Variants in SVIL observed in about 807,000 individuals in gnomAD.
SVIL encodes the protein archvillin.
Under a neutral mutation model 240.4 loss-of-function variants are expected in SVIL, and 101 were observed. That is an observed-to-expected ratio of 0.42 (90% CI 0.36 to 0.50). The LOEUF (loss-of-function observed/expected upper bound fraction) is 0.50, where lower values mean the gene tolerates loss of function less well. Ranked by LOEUF, SVIL falls within the 20% of genes least tolerant of loss-of-function variation. The pLI, the probability that SVIL is intolerant of heterozygous loss-of-function variation, is 0.01. For synonymous variants in SVIL, 999 were observed against 1,100.0 expected (o/e 0.91, Z 1.82); for missense variants, 2,512 against 2,818.7 (o/e 0.89, Z 2.46).
chr10:29,578,884 T>C (rs185754009), intron 1 of SVIL, among the ~76,000 whole-genome samples: 55 of 152,342 alleles, frequency 3.6e-4, no homozygotes, highest in African/African-American at 1.3e-3. Context: ...GTATTACTTC[T>C]CTTTCCTCAG....
At chr10:29,470,183 G>T in intron 32 of SVIL, 93 bp downstream of exon 32, 1 of 1,427,458 alleles carries the variant, frequency 7.0e-7, no homozygotes, top group Non-Finnish European at 9.8e-7. Context: ...TCAGCACCCT[G>T]GGATCTGCTG....
chr10:29,500,497 C>G (rs1948794901), intron 17 of SVIL, among the ~76,000 whole-genome samples: 1 of 152,250 alleles, frequency 6.6e-6, no homozygotes, highest in East Asian at 1.9e-4. Context: ...TGGGTTTGCC[C>G]TCTCACTTTC....
chr10:29,528,961 A>G (rs1265051290), intron 12 of SVIL, among the ~76,000 whole-genome samples: 1 of 152,006 alleles, frequency 6.6e-6, no homozygotes, highest in African/African-American at 2.4e-5. Context: ...GGATCACCTG[A>G]GGTCAGGAGT....
At chr10:29,691,361 A>G (rs891289054) in intron 1 of SVIL, among the ~76,000 whole-genome samples, 3 of 151,782 alleles carry the variant, frequency 2.0e-5, no homozygotes, top group East Asian at 1.9e-4. Flanking sequence ...ACAGGCGCCC[A>G]CCACCACGCC....
chr10:29,461,409 A>G (rs1399649797), intron 36 of SVIL, among the ~76,000 whole-genome samples: 1 of 152,172 alleles, frequency 6.6e-6, no homozygotes, highest in African/African-American at 2.4e-5. Context: ...GGTTAGGGTG[A>G]GCAGTGATGT....
chr10:29,508,061 A>G lies in SVIL; in HGVS notation c.3516+4674T>C, dbSNP rs1949510017. On this transcript the variant is annotated intron_variant, in intron 17 of 37. Transcript: ENST00000355867. ...GCAGTAATTAAATGAGTTAATTTATAGAAGATTGTCAGTTACAGAGAGAGG... is the reference window on the plus strand; with the variant it reads ...GCAGTAATTAAATGAGTTAATTTATGGAAGATTGTCAGTTACAGAGAGAGG... The G allele has an allele frequency of 2.0e-5, 5 of 256,362 alleles. No individual in the cohort carries two copies. In the South Asian group the frequency reaches 2.2e-4, roughly 12 times the overall value. The allele number at this position is 256,362 out of a possible 1,614,324, so 15.9% of individuals were successfully genotyped here.
chr10:29,531,692 T>C (rs563541170), intron 9 of SVIL, among the ~76,000 whole-genome samples: 1 of 152,362 alleles, frequency 6.6e-6, no homozygotes, highest in South Asian at 2.1e-4. Flanking sequence ...CTGGTGAATA[T>C]GCAATCTGGA....
Position 29,536,073 on chromosome 10 carries a change from T to C in SVIL, c.828-4A>G, listed in dbSNP as rs1951722765. 9.9e-6 allele frequency: 16 copies of C among 1,614,006 alleles called. No individual in the cohort carries two copies. The highest frequency in any genetic ancestry group is 4.0e-5 in the African/African-American group (3 of 74,944). The stretch of plus-strand genomic sequence containing the variant: ...CTCATGTTTGGGTTTCCCTGTACTA[T>C]TGTGTACAAAAAACAAAACCAGATA... On this transcript the variant is annotated splice_region_variant and splice_polypyrimidine_tract_variant and intron_variant, in intron 6 of 37. Coordinates refer to ENST00000355867, the MANE Select transcript of SVIL (RefSeq NM_021738.3).
intron 6 of SVIL, among the ~76,000 whole-genome samples, chr10:29,538,956 G>A (rs1012615664): frequency 6.6e-6 from 1 of 152,164 alleles, no homozygotes; most frequent in Non-Finnish European, 1.5e-5. Context: ...TTGAGGCCAG[G>A]AGTTCGAGCC....
In SVIL at chr10:29,458,299, G is replaced by T; in HGVS notation, c.6593C>A (p.Ala2198Asp). ...ALDMTRDEYN[A>D]LPAWKQVNLK... The stretch of plus-strand genomic sequence containing the variant: ...GTTCACCTGCTTCCAGGCGGGCAGG[G>T]CGTTGTATTCATCCCTCGTCATGTC... Residue 2198 changes from alanine (A) to aspartate (D), a missense_variant, in exon 38 of 38, where the codon GCC becomes GAC. By Grantham distance (126) the Ala-to-Asp change is moderately radical (BLOSUM62 -2). This residue lies in a region of SVIL where 797 missense variants were observed against 925.3 expected (regional missense o/e 0.86). Coordinates refer to ENST00000355867, the MANE Select transcript of SVIL (RefSeq NM_021738.3). 6.2e-7 allele frequency: 1 copy of T among 1,614,246 alleles called. No individual in the cohort carries two copies. The highest frequency in any genetic ancestry group is 2.2e-5 in the East Asian group (1 of 44,880).
At chr10:29,653,234 C>T (rs775615116) in intron 3 of SVIL, among the ~76,000 whole-genome samples, 16 of 152,272 alleles carry the variant, frequency 1.1e-4, no homozygotes, top group African/African-American at 3.6e-4. Context: ...TGGGGGCAAA[C>T]TTCCCCCTTG....
chr10:29,705,370 T>A (rs1265259883), intron 1 of SVIL, among the ~76,000 whole-genome samples: 1 of 152,050 alleles, frequency 6.6e-6, no homozygotes, highest in African/African-American at 2.4e-5. Context: ...AATTGAAGGA[T>A]CTTGAGATGA....
intron 36 of SVIL, among the ~76,000 whole-genome samples, chr10:29,459,999 G>A (rs1227438818): frequency 6.6e-6 from 1 of 152,154 alleles, no homozygotes; most frequent in Non-Finnish European, 1.5e-5. Context: ...GGCTGAGGTG[G>A]TAGGGTCGTT....
intron 16 of SVIL, among the ~76,000 whole-genome samples, chr10:29,515,807 T>G (rs1393377777): frequency 3.3e-5 from 5 of 152,214 alleles, no homozygotes; most frequent in Admixed American, 2.6e-4. Context: ...AGCACCTATG[T>G]CATCGGACGA....
At chr10:29,617,679 T>C (rs997147051) in intron 1 of SVIL, among the ~76,000 whole-genome samples, 1 of 152,202 alleles carries the variant, frequency 6.6e-6, no homozygotes, top group Non-Finnish European at 1.5e-5. Context: ...GGAGATTCAT[T>C]GGAAGCATCC....
intron 2 of SVIL, among the ~76,000 whole-genome samples, chr10:29,673,284 T>C (rs1043364437): frequency 4.0e-4 from 61 of 152,288 alleles, no homozygotes; most frequent in African/African-American, 1.4e-3. Context: ...TTCTAAAAGA[T>C]GCCATGCAAT....
At chr10:29,618,750 C>T (rs1010272585) in intron 1 of SVIL, among the ~76,000 whole-genome samples, 3 of 150,632 alleles carry the variant, frequency 2.0e-5, no homozygotes, top group Admixed American at 6.6e-5. Context: ...GACAAGGTGT[C>T]GCTTTGTCAT....
chr10:29,581,633 T>A (rs112603942), intron 1 of SVIL, among the ~76,000 whole-genome samples: 137 of 152,358 alleles, frequency 9.0e-4, no homozygotes, highest in South Asian at 7.7e-3. Context: ...TGCAATCACC[T>A]AAAAGACTTA....
intron 3 of SVIL, among the ~76,000 whole-genome samples, chr10:29,557,323 C>G (rs1286722850): frequency 6.6e-6 from 1 of 152,164 alleles, no homozygotes. Flanking sequence ...GTCTTGAACT[C>G]CTAGGCTCAA....
Sources: allele counts gnomAD v4.1 joint callset (sites outside exome capture counted in the v4.1 genomes callset), GRCh38; gene constraint gnomAD v4.1.1; regional missense constraint gnomAD v4.1.1; transcripts MANE v1.5; gene names NCBI Gene and HGNC (gene_info 2026-07-23, HGNC 2026-07-21).